Variants in PTPRD observed in about 807,000 individuals in gnomAD.
PTPRD encodes the protein protein tyrosine phosphatase receptor type D.
Under a neutral mutation model 214.5 loss-of-function variants are expected in PTPRD, and 34 were observed. The ratio of observed to expected loss-of-function variants is 0.16; its 90% CI spans 0.12 to 0.21. PTPRD has a LOEUF of 0.21. Among genes scored for constraint, PTPRD ranks in the 10% least tolerant of loss-of-function variants. The pLI is 1.00. For synonymous variants in PTPRD, 1,128 were observed against 845.7 expected (o/e 1.33, Z -5.79); for missense variants, 2,545 against 2,398.7 (o/e 1.06, Z -1.27).
In PTPRD at chr9:8,375,360, G is replaced by C. The variant is rs74332119; in HGVS notation, c.4661+576C>G. Among the ~76,000 whole-genome samples, 1,037 of 152,026 alleles carry C rather than the reference G, an allele frequency of 6.8e-3. 6 individuals are homozygous for C. Among genetic ancestry groups the C allele is most frequent in the Non-Finnish European group, 0.011 (781 of 67,920 alleles). ...GAGAAATACAACTTATTACCTTTGAGTACATAAAACGACTTCTTCCAAATT... is the reference window on the plus strand; with the variant it reads ...GAGAAATACAACTTATTACCTTTGACTACATAAAACGACTTCTTCCAAATT... On this transcript the variant is annotated intron_variant, in intron 39 of 45. Transcript: ENST00000381196.
chr9:9,403,814 G>A (rs2072003583), intron 8 of PTPRD, among the ~76,000 whole-genome samples: 1 of 151,946 alleles, frequency 6.6e-6, no homozygotes, highest in African/African-American at 2.4e-5. Flanking sequence ...TTACATTATT[G>A]TGGCATGGAG....
At chr9:9,554,406 A>AT (rs80342062) in intron 8 of PTPRD, among the ~76,000 whole-genome samples, 232 of 148,648 alleles carry the variant, frequency 1.6e-3, no homozygotes, top group African/African-American at 4.3e-3. Context: ...GTCCTGTTTT[A>AT]TTTTTTTTTT....
chr9:9,215,415 C>T (rs1288598449), intron 9 of PTPRD, among the ~76,000 whole-genome samples: 1 of 152,106 alleles, frequency 6.6e-6, no homozygotes, highest in East Asian at 1.9e-4. Context: ...CTGCCTACCA[C>T]ACAGAATTGC....
At chr9:10,575,162 A>C (rs1398923358) in intron 2 of PTPRD, among the ~76,000 whole-genome samples, 1 of 152,050 alleles carries the variant, frequency 6.6e-6, no homozygotes. Flanking sequence ...ATTATTTGAC[A>C]CTGTAGACAT....
intron 2 of PTPRD, among the ~76,000 whole-genome samples, chr9:10,450,811 G>A (rs540319890): frequency 2.0e-5 from 3 of 151,984 alleles, no homozygotes; most frequent in South Asian, 4.1e-4. Context: ...CTACCATCAC[G>A]TCTTAAAAAA....
chr9:10,134,987 G>C (rs561669567), intron 3 of PTPRD, among the ~76,000 whole-genome samples: 2 of 152,118 alleles, frequency 1.3e-5, no homozygotes, highest in South Asian at 2.1e-4. Flanking sequence ...CCAGGAAAAC[G>C]GTCCAACAGC....
intron 9 of PTPRD, among the ~76,000 whole-genome samples, chr9:9,372,148 G>A (rs1013573290): frequency 6.6e-6 from 1 of 152,082 alleles, no homozygotes; most frequent in African/African-American, 2.4e-5. Flanking sequence ...GCAGAGCTGA[G>A]TTCAATTCCT....
intron 5 of PTPRD, among the ~76,000 whole-genome samples, chr9:9,909,483 G>A (rs982964781): frequency 6.6e-6 from 1 of 151,590 alleles, no homozygotes; most frequent in African/African-American, 2.4e-5. Flanking sequence ...GTGTAGTATT[G>A]AGTTAAACAT....
chr9:9,180,141 T>C (rs1270539652), intron 10 of PTPRD, among the ~76,000 whole-genome samples: 2 of 151,760 alleles, frequency 1.3e-5, no homozygotes, highest in Admixed American at 6.6e-5. Context: ...TGAAGACACA[T>C]GCACACGTAT....
At chr9:9,567,910 ATCTT>A (rs2085081414) in intron 8 of PTPRD, among the ~76,000 whole-genome samples, 1 of 151,884 alleles carries the variant, frequency 6.6e-6, no homozygotes, top group Non-Finnish European at 1.5e-5. Flanking sequence ...TTGTCATAAA[ATCTT>A]AATCTTTTAT....
At chr9:10,443,281 A>T (rs1295782556) in intron 2 of PTPRD, among the ~76,000 whole-genome samples, 1 of 151,630 alleles carries the variant, frequency 6.6e-6, no homozygotes, top group Non-Finnish European at 1.5e-5. Flanking sequence ...ACCTTGTGGA[A>T]CTATCAGATA....
chr9:10,328,375 G>C (rs534552980), intron 3 of PTPRD, among the ~76,000 whole-genome samples: 1 of 151,672 alleles, frequency 6.6e-6, no homozygotes, highest in East Asian at 1.9e-4. Flanking sequence ...ACTGGTAGGG[G>C]GGTTTCTGGG....
At chr9:10,018,554 T>C (rs1459761459) in intron 4 of PTPRD, among the ~76,000 whole-genome samples, 2 of 112,192 alleles carry the variant, frequency 1.8e-5, no homozygotes, top group African/African-American at 5.9e-5. Context: ...TTTTTTTTTT[T>C]TTTTTTTTTT....
At chr9:10,338,780 G>T (rs2096888105) in intron 3 of PTPRD, among the ~76,000 whole-genome samples, 1 of 151,622 alleles carries the variant, frequency 6.6e-6, no homozygotes, top group East Asian at 1.9e-4. Flanking sequence ...CCCATGTTTG[G>T]AACAGGAGAA....
intron 2 of PTPRD, among the ~76,000 whole-genome samples, chr9:10,445,881 A>G (rs1227799301): frequency 6.6e-6 from 1 of 152,258 alleles, no homozygotes; most frequent in South Asian, 2.1e-4. Context: ...AACAAAAAGA[A>G]CACAGAAAAG....
rs76514007 is a variant in PTPRD at position 9,669,000 on chromosome 9, T to G, written c.-287+65533A>C. ...AAAAAAAAGTGAAACAGTAAATTAA[T>G]AGCAGATTGTTTCTACAATGGCAAC... On this transcript the variant is annotated intron_variant, in intron 7 of 45. Transcript: ENST00000381196. Among the ~76,000 whole-genome samples the G allele has an allele frequency of 5.3e-5, 8 of 152,320 alleles. No homozygotes were observed. In the East Asian group the frequency reaches 1.5e-3, roughly 29 times the overall value.
At chr9:9,561,303 G>C (rs1477231539) in intron 8 of PTPRD, among the ~76,000 whole-genome samples, 3 of 152,230 alleles carry the variant, frequency 2.0e-5, no homozygotes, top group East Asian at 1.9e-4. Flanking sequence ...TGCATGTATT[G>C]ATTGATGTCT....
intron 2 of PTPRD, among the ~76,000 whole-genome samples, chr9:10,553,318 GTCATAGAC>G (rs1343983809): frequency 6.6e-6 from 1 of 151,230 alleles, no homozygotes; most frequent in Admixed American, 6.6e-5. Flanking sequence ...GATGGGTCAA[GTCATAGAC>G]TCATATGTTA....
At chr9:9,945,169 T>C (rs1297311460) in intron 4 of PTPRD, among the ~76,000 whole-genome samples, 7 of 152,104 alleles carry the variant, frequency 4.6e-5, no homozygotes, top group Non-Finnish European at 8.8e-5. Context: ...GTGGCTTGGA[T>C]GGGATTATTA....
Sources: allele counts gnomAD v4.1 joint callset (sites outside exome capture counted in the v4.1 genomes callset), GRCh38; gene constraint gnomAD v4.1.1; transcripts MANE v1.5; gene names NCBI Gene and HGNC (gene_info 2026-07-23, HGNC 2026-07-21).